RIOK1: variants seen among roughly 807,000 people sequenced by gnomAD.
The protein encoded by RIOK1 is serine/threonine-protein kinase RIO1.
In RIOK1, 66 loss-of-function variants were observed where a neutral mutation model predicts 73.5. The ratio of observed to expected loss-of-function variants is 0.90; its 90% CI spans 0.74 to 1.10. The LOEUF is 1.10. RIOK1 is among the 50% of genes least tolerant of loss of function. The pLI is 0.00. For missense variants in RIOK1, 658 were observed against 699.8 expected (o/e 0.94, Z 0.67); for synonymous variants, 224 against 226.8 (o/e 0.99, Z 0.11).
In RIOK1 at chr6:7,395,121, A is replaced by G; in HGVS notation, c.345A>G (p.Lys115=). The change falls in exon 3 of 17, where the codon AAA becomes AAG. Residue 115 remains lysine (K), a synonymous_variant. Coordinates refer to ENST00000379834, the MANE Select transcript of RIOK1 (RefSeq NM_031480.3). ...CTCCAGCAGACAAGGTCTTACGGAA[A>G]TTTGAGAATAAAATTAATTTAGGTG... ...MSTPADKVLR[K]FENKINLDKL... The G allele has an allele frequency of 1.2e-6, 2 of 1,613,212 alleles. No individual in the cohort carries two copies. Among genetic ancestry groups the G allele is most frequent in the Non-Finnish European group, 1.7e-6 (2 of 1,179,410 alleles).
At position 7,393,107 on chromosome 6, in the gene RIOK1, G is replaced by C. The variant is rs1314345649; in HGVS notation, c.80G>C (p.Arg27Thr). 6.2e-7 allele frequency: 1 copy of C among 1,612,906 alleles called. No individual in the cohort carries two copies. Among genetic ancestry groups the C allele is most frequent in the Non-Finnish European group, 8.5e-7 (1 of 1,179,192 alleles). ...AACATTGTTATTTCTAGTGAAAACA[G>C]AGACTTGAAGACAGTCAAAGAGAAG... ...DDADSSDSEN[R>T]DLKTVKEKDD... Residue 27 changes from arginine (R) to threonine (T), a missense_variant, in exon 2 of 17, where the codon AGA becomes ACA. Arg to Thr is a moderately conservative substitution (Grantham distance 71). Transcript: ENST00000379834.
At position 7,417,401 on chromosome 6, in the gene RIOK1, A is replaced by T; in HGVS notation, c.1667A>T (p.Lys556Ile). The T allele has an allele frequency of 6.4e-7, 1 of 1,570,392 alleles. No individual in the cohort carries two copies. Among genetic ancestry groups the T allele is most frequent in the South Asian group, 1.2e-5 (1 of 84,240 alleles). Residue 556 changes from lysine to isoleucine, a missense_variant, in exon 17 of 17, where the codon AAA (lysine) becomes ATA (isoleucine). Physicochemically the swap from Lys to Ile is moderately radical, Grantham distance 102. Transcript: ENST00000379834. ...RKNKIPKHVK[K>I]RKEKTAKTKK... is the part of the protein sequence containing the mutation. ...AACAAAATTCCTAAACATGTGAAAA[A>T]AAGAAAGGAGAAGACAGCCAAGACG...
intron 2 of RIOK1, among the ~76,000 whole-genome samples, chr6:7,394,326 C>G (rs1055143574): frequency 1.3e-5 from 2 of 152,062 alleles, no homozygotes; most frequent in Non-Finnish European, 2.9e-5. Flanking sequence ...CCCAGCTACT[C>G]GGGAGGCTGA....
chr6:7,398,010 C>T (rs1317458203), intron 4 of RIOK1, among the ~76,000 whole-genome samples: 1 of 152,072 alleles, frequency 6.6e-6, no homozygotes, highest in African/African-American at 2.4e-5. Flanking sequence ...GGCTTGGCGG[C>T]GGGCGCCTGT....
In RIOK1 at chr6:7,396,707, G is replaced by A. The variant is rs1761483146; in HGVS notation, c.372G>A (p.Lys124=). 2.5e-6 allele frequency: 4 copies of A among 1,594,198 alleles called. No homozygotes were observed. The highest frequency in any genetic ancestry group is 2.6e-6 in the Non-Finnish European group (3 of 1,163,842). The change falls in exon 4 of 17, where the codon AAG becomes AAA. Residue 124 remains lysine, a synonymous_variant. Transcript: ENST00000379834. The part of the protein sequence containing the change: ...RKFENKINLD[K]LNVTDSVINK... ...TGTGGGTTTCTTGTATTTTAGATAA[G>A]CTAAATGTTACTGATTCCGTCATAA...
At chr6:7,398,658 A>G in intron 4 of RIOK1, 40 bp from the exon 5 acceptor site, 1 of 1,565,016 alleles carries the variant, frequency 6.4e-7, no homozygotes, top group Non-Finnish European at 8.7e-7. Flanking sequence ...TTCTCACTGA[A>G]TTTTGAATGT....
In RIOK1 at chr6:7,390,046, A is replaced by G. The variant is rs1347287502; in HGVS notation, c.44A>G (p.Gln15Arg). 2 of 1,559,684 alleles carry G rather than the reference A, an allele frequency of 1.3e-6. No homozygotes were observed. Among genetic ancestry groups the G allele is most frequent in the East Asian group, 2.4e-5 (1 of 41,294 alleles). The stretch of plus-strand genomic sequence containing the variant: ...CTCATGAGCCGGGTGGTCCCCGGGC[A>G]ATTCGACGACGCGGACTCCTCTGAC... ...RLLMSRVVPG[Q>R]FDDADSSDSE... Residue 15 changes from glutamine (Q) to arginine (R), a missense_variant, in exon 1 of 17, where the codon CAA becomes CGA. Physicochemically the swap from Gln to Arg is conservative, Grantham distance 43 (BLOSUM62 1). Transcript: ENST00000379834.
chr6:7,414,640 G>T (rs375368001), intron 16 of RIOK1, among the ~76,000 whole-genome samples: 19 of 152,286 alleles, frequency 1.2e-4, no homozygotes, highest in African/African-American at 4.3e-4. Context: ...CATTTCACAT[G>T]AAGTACAAGT....
At chr6:7,396,082 C>T (rs922897598) in intron 3 of RIOK1, among the ~76,000 whole-genome samples, 1 of 152,114 alleles carries the variant, frequency 6.6e-6, no homozygotes, top group African/African-American at 2.4e-5. Flanking sequence ...TAGTTACATA[C>T]GGTTTCACTA....
At position 7,404,909 on chromosome 6, in the gene RIOK1, G is replaced by A. The variant is rs1761706185; in HGVS notation, c.993-9G>A. ...ACCATCCCACAGCTTCTGTGTCTCT[G>A]GCCCATAGGTACCACGGTGGAGGCG... On this transcript the variant is annotated splice_polypyrimidine_tract_variant and intron_variant, in intron 10 of 16. Transcript: ENST00000379834. The A allele has an allele frequency of 1.9e-6, 3 of 1,607,752 alleles. No individual in the cohort carries two copies. The highest frequency in any genetic ancestry group is 8.5e-7 in the Non-Finnish European group (1 of 1,174,548).
intron 16 of RIOK1, among the ~76,000 whole-genome samples, chr6:7,414,824 A>C (rs1561882674): frequency 6.6e-6 from 1 of 152,190 alleles, no homozygotes; most frequent in Non-Finnish European, 1.5e-5. Flanking sequence ...TTAAATGGAA[A>C]ATTCCAGAAG....
chr6:7,401,057 T>A lies in RIOK1; in HGVS notation c.573+7T>A, dbSNP rs1490331355. ...CATTAGCACAGGAAAAGAAGTGAGC[T>A]CTTCTTTGGATGATTGGATATTTAA... On this transcript the variant is annotated splice_region_variant and intron_variant, in intron 6 of 16. Transcript: ENST00000379834. 4 of 1,529,390 alleles carry A rather than the reference T, an allele frequency of 2.6e-6. No individual in the cohort carries two copies. Among genetic ancestry groups the A allele is most frequent in the Admixed American group, 3.4e-5 (2 of 58,070 alleles). The allele number at this position is 1,529,390 out of a possible 1,614,324, so 94.7% of individuals were successfully genotyped here. A position where few individuals can be genotyped will look rare whatever the true frequency, so the allele number is the denominator to read the frequency against.
intron 16 of RIOK1, among the ~76,000 whole-genome samples, chr6:7,416,453 C>A (rs1004258840): frequency 6.6e-6 from 1 of 152,074 alleles, no homozygotes; most frequent in Non-Finnish European, 1.5e-5. Flanking sequence ...TCGAGACCAT[C>A]CTGGCTAACA....
At chr6:7,411,600 T>C in intron 14 of RIOK1, 149 bp downstream of exon 14, 1 of 748,900 alleles carries the variant, frequency 1.3e-6, no homozygotes, top group Non-Finnish European at 2.2e-6. Context: ...TTAACTTGTG[T>C]GCACATTGAA....
rs761773593 is a variant in RIOK1 at position 7,403,985 on chromosome 6, G to A, written c.812G>A (p.Arg271Lys). ...CCATGTCCAGAACCAATAATGCTAAGAAGTCATGTTCTTGTCATGAGTTTC... is the reference window on the plus strand; with the variant it reads ...CCATGTCCAGAACCAATAATGCTAAAAAGTCATGTTCTTGTCATGAGTTTC... The part of the protein sequence containing the change: ...EIPCPEPIML[R>K]SHVLVMSFIG... The change falls in exon 9 of 17, where the codon AGA becomes AAA. Residue 271 changes from arginine to lysine, a missense_variant. Physicochemically the swap from Arg to Lys is conservative, Grantham distance 26. Transcript: ENST00000379834. The A allele has an allele frequency of 1.9e-6, 3 of 1,612,568 alleles. No homozygotes were observed. The South Asian group carries it at 3.3e-5, about 18-fold the overall frequency.
In RIOK1 at chr6:7,390,039, C is replaced by T. The variant is rs1299566786; in HGVS notation, c.37C>T (p.Pro13Ser). ...YRRLLMSRVVPGQFDDADSSD... is the reference protein window; with the variant it reads ...YRRLLMSRVVSGQFDDADSSD... ...GCGGCTTCTCATGAGCCGGGTGGTC[C>T]CCGGGCAATTCGACGACGCGGACTC... The change falls in exon 1 of 17, where the codon CCC (proline) becomes TCC (serine). Residue 13 changes from proline (P) to serine (S), a missense_variant. Transcript: ENST00000379834. The T allele has an allele frequency of 6.4e-7, 1 of 1,558,704 alleles. No homozygotes were observed. The highest frequency in any genetic ancestry group is 1.4e-5 in the African/African-American group (1 of 73,306).
At chr6:7,412,318 G>A (rs1002202403) in intron 14 of RIOK1, among the ~76,000 whole-genome samples, 6 of 151,164 alleles carry the variant, frequency 4.0e-5, no homozygotes, top group Non-Finnish European at 5.9e-5. Flanking sequence ...CTGAGATTGC[G>A]CCATTGGACT....
Position 7,402,677 on chromosome 6 carries a change from G to A in RIOK1, c.648G>A (p.Val216=). 1 of 1,612,394 alleles carries A rather than the reference G, an allele frequency of 6.2e-7. No homozygotes were observed. Among genetic ancestry groups the A allele is most frequent in the South Asian group, 1.1e-5 (1 of 90,872 alleles). Residue 216 remains valine (V), a synonymous_variant, in exon 7 of 17, where the codon GTG becomes GTA. Coordinates refer to ENST00000379834, the MANE Select transcript of RIOK1 (RefSeq NM_031480.3). ...AAATTTATAAAACTTCTATTTTGGT[G>A]TTCAAAGATCGGGATAAATATGTAA... ...AIKIYKTSIL[V]FKDRDKYVSG...
At chr6:7,398,541 T>G (rs1445011850) in intron 4 of RIOK1, among the ~76,000 whole-genome samples, 157 bp from the exon 5 acceptor site, 1 of 152,218 alleles carries the variant, frequency 6.6e-6, no homozygotes, top group Non-Finnish European at 1.5e-5. Flanking sequence ...TGAAGAAAGT[T>G]TCACTGAGTA....
Sources: gnomAD v4.1 joint callset for allele counts (sites outside exome capture counted in the v4.1 genomes callset) on GRCh38, gnomAD v4.1.1 for gene constraint, MANE v1.5 for transcripts, NCBI Gene and HGNC (gene_info 2026-07-23, HGNC 2026-07-21) for gene names.